Variants in EIF3M observed in about 807,000 individuals in gnomAD.
The protein encoded by EIF3M is eukaryotic translation initiation factor 3 subunit M.
In EIF3M, 25 loss-of-function variants were observed where a neutral mutation model predicts 49.7. The ratio of observed to expected loss-of-function variants is 0.50; its 90% confidence interval spans 0.37 to 0.70. The LOEUF is 0.70. Ranked by LOEUF, EIF3M falls within the 30% of genes least tolerant of loss-of-function variation. EIF3M has a pLI of 0.00. For synonymous variants in EIF3M, 156 were observed against 149.8 expected (o/e 1.04, Z -0.30); for missense variants, 350 against 440.0 (o/e 0.80, Z 1.83).
chr11:32,591,011 G>T (rs902142931), intron 5 of EIF3M, among the ~76,000 whole-genome samples: 1 of 151,990 alleles, frequency 6.6e-6, no homozygotes, highest in Non-Finnish European at 1.5e-5. Flanking sequence ...CGCCACGCCC[G>T]GCTAATTTTT....
chr11:32,596,578 G>T (rs1245551238), intron 8 of EIF3M, among the ~76,000 whole-genome samples: 1 of 144,542 alleles, frequency 6.9e-6, no homozygotes, highest in Non-Finnish European at 1.5e-5. Context: ...TCCAGCCTCG[G>T]CAACAGAGCA....
chr11:32,586,914 A>G (rs1855008965), intron 1 of EIF3M, 98 bp from the exon 2 acceptor site: 2 of 1,425,638 alleles, frequency 1.4e-6, no homozygotes, highest in African/African-American at 2.9e-5. Flanking sequence ...TAGTTGTTGA[A>G]TACAGTATTT....
chr11:32,592,509 C>T lies in EIF3M; in HGVS notation c.534-1357C>T, dbSNP rs183015104. ...GGCTTTACAGAACTCTCTCTAGAAA[C>T]AGCTGTCTTTGGTTCCATTGCACTC... On this transcript the variant is annotated intron_variant, in intron 5 of 10. Transcript: ENST00000531120. 1.9e-5 allele frequency: 10 copies of T among 525,488 alleles called. No individual in the cohort carries two copies. In the East Asian group the frequency reaches 3.8e-4, roughly 20 times the overall value. 32.6% of individuals were successfully genotyped at this position (525,488 alleles called of 1,614,324 possible). A position where few individuals can be genotyped will look rare whatever the true frequency, so the allele number is the denominator to read the frequency against.
Position 32,593,960 on chromosome 11 carries a change from A to G in EIF3M, c.617+11A>G, listed in dbSNP as rs1855141675. On this transcript the variant is annotated intron_variant, in intron 6 of 10. Coordinates refer to ENST00000531120, the MANE Select transcript of EIF3M (RefSeq NM_006360.6). The stretch of plus-strand genomic sequence containing the variant: ...AGTTGATGCCCACAGGTAATGTTAA[A>G]CGTTACTCTGATGAGGGTTTGACAG... 5 of 1,500,786 alleles carry G rather than the reference A, an allele frequency of 3.3e-6. No homozygotes were observed. The highest frequency in any genetic ancestry group is 4.5e-6 in the Non-Finnish European group (5 of 1,122,212). The allele number at this position is 1,500,786 out of a possible 1,614,324, so 93.0% of individuals were successfully genotyped here. A position where few individuals can be genotyped will look rare whatever the true frequency, so the allele number is the denominator to read the frequency against.
At chr11:32,591,754 C>T (rs1043264483) in intron 5 of EIF3M, 3 of 198,340 alleles carry the variant, frequency 1.5e-5, no homozygotes, top group African/African-American at 7.0e-5. Context: ...TGCTTGCACT[C>T]CTGCCAAAAA....
chr11:32,602,044 A>G, intron 10 of EIF3M: 1 of 854,988 alleles, frequency 1.2e-6, no homozygotes, highest in East Asian at 2.7e-5. Flanking sequence ...AGCATTGGCT[A>G]GAATACTAAT....
At chr11:32,584,079 C>T in intron 1 of EIF3M, 150 bp downstream of exon 1, 1 of 1,039,710 alleles carries the variant, frequency 9.6e-7, no homozygotes, top group South Asian at 1.6e-5. Context: ...CTGGGGCGCG[C>T]GTTCCTGGCC....
At chr11:32,590,721 T>A (rs1411462917) in intron 5 of EIF3M, among the ~76,000 whole-genome samples, 1 of 152,236 alleles carries the variant, frequency 6.6e-6, no homozygotes, top group Non-Finnish European at 1.5e-5. Context: ...TTAGAACACA[T>A]AAAATACATA....
Position 32,604,593 on chromosome 11 carries a change from A to G in EIF3M, c.*2194A>G, listed in dbSNP as rs1855321329. ...TATTGGTTTATATGCTATGTTAAAC[A>G]TTTTTAGCATTTCCTCCTGTTCTTA... On this transcript the variant is annotated 3_prime_UTR_variant, in exon 11 of 11. Coordinates refer to ENST00000531120, the MANE Select transcript of EIF3M (RefSeq NM_006360.6). 1 of 152,186 alleles carries G rather than the reference A, an allele frequency of 6.6e-6. No homozygotes were observed. Among genetic ancestry groups the G allele is most frequent in the Admixed American group, 6.5e-5 (1 of 15,278 alleles). The allele number at this position is 152,186 out of a possible 1,614,324, so 9.4% of individuals were successfully genotyped here. A position where few individuals can be genotyped will look rare whatever the true frequency, so the allele number is the denominator to read the frequency against.
Position 32,583,940 on chromosome 11 carries a change from G to C in EIF3M, c.42+11G>C. ...AGTGAAGAAGATCAGGTGTGCTTCG[G>C]TCTACGGGTGCCGCCACGGTGGGGT... On this transcript the variant is annotated intron_variant, in intron 1 of 10. Transcript: ENST00000531120. 1 of 1,612,152 alleles carries C rather than the reference G, an allele frequency of 6.2e-7. No individual in the cohort carries two copies. Among genetic ancestry groups the C allele is most frequent in the Non-Finnish European group, 8.5e-7 (1 of 1,179,816 alleles).
At chr11:32,585,926 C>T (rs1854990881) in intron 1 of EIF3M, among the ~76,000 whole-genome samples, 1 of 152,028 alleles carries the variant, frequency 6.6e-6, no homozygotes. Context: ...TGCACATCCT[C>T]ATTTTATTAT....
Position 32,588,618 on chromosome 11 carries a change from T to A in EIF3M, c.200T>A (p.Val67Glu). Residue 67 changes from valine (V) to glutamate (E), a missense_variant, in exon 3 of 11, where the codon GTG becomes GAG. Physicochemically the swap from Val to Glu is moderately radical, Grantham distance 121. Coordinates refer to ENST00000531120, the MANE Select transcript of EIF3M (RefSeq NM_006360.6). The stretch of plus-strand genomic sequence containing the variant: ...GATGTTGAAAGTGTGATGAACAGTG[T>A]GGTATCCCTACTCTTGATCCTGGAA... The part of the protein sequence containing the change: ...DKDVESVMNS[V>E]VSLLLILEPD... 6.2e-7 allele frequency: 1 copy of A among 1,612,486 alleles called. No individual in the cohort carries two copies. Among genetic ancestry groups the A allele is most frequent in the East Asian group, 2.2e-5 (1 of 44,826 alleles).
chr11:32,584,564 C>T (rs1405832290), intron 1 of EIF3M, among the ~76,000 whole-genome samples: 1 of 138,932 alleles, frequency 7.2e-6, no homozygotes, highest in Non-Finnish European at 1.5e-5. Flanking sequence ...GCCAAGATCG[C>T]GCCACTGCAC....
chr11:32,589,654 A>G lies in EIF3M; in HGVS notation c.533+13A>G, dbSNP rs765928963. On this transcript the variant is annotated intron_variant, in intron 5 of 10. Coordinates refer to ENST00000531120, the MANE Select transcript of EIF3M (RefSeq NM_006360.6). ...ATTGTAAGAAGAGGTATTCAAAAGT[A>G]ATGAACTAACATATCACTTAACAGA... is the stretch of plus-strand genomic sequence containing the variant. 1 of 1,607,804 alleles carries G rather than the reference A, an allele frequency of 6.2e-7. No individual in the cohort carries two copies. The highest frequency in any genetic ancestry group is 8.5e-7 in the Non-Finnish European group (1 of 1,174,760).
At chr11:32,599,419 C>G (rs1855228169) in intron 8 of EIF3M, among the ~76,000 whole-genome samples, 1 of 151,972 alleles carries the variant, frequency 6.6e-6, no homozygotes, top group South Asian at 2.1e-4. Flanking sequence ...AAGCCTGTAT[C>G]ATAATTACAG....
chr11:32,590,482 C>T (rs926263621), intron 5 of EIF3M, among the ~76,000 whole-genome samples: 11 of 152,154 alleles, frequency 7.2e-5, no homozygotes, highest in African/African-American at 2.4e-4. Flanking sequence ...TTTTACAGCA[C>T]CCTCTACTTG....
chr11:32,588,930 A>G, intron 3 of EIF3M, 82 bp from the exon 4 acceptor site: 1 of 1,566,948 alleles, frequency 6.4e-7, no homozygotes, highest in Non-Finnish European at 8.7e-7. Context: ...GGTACCTGCC[A>G]CAGGTTTGTG....
chr11:32,602,532 G>A lies in EIF3M; in HGVS notation c.*133G>A. On this transcript the variant is annotated 3_prime_UTR_variant, in exon 11 of 11. Coordinates refer to ENST00000531120, the MANE Select transcript of EIF3M (RefSeq NM_006360.6). ...TATACTAAAATCACAAACTCCAGAG[G>A]ATATGAAGTAATAAATTACAAGGGG... The A allele has an allele frequency of 9.1e-7, 1 of 1,100,836 alleles. No individual in the cohort carries two copies. The highest frequency in any genetic ancestry group is 1.3e-6 in the Non-Finnish European group (1 of 795,666). The allele number at this position is 1,100,836 out of a possible 1,614,324, so 68.2% of individuals were successfully genotyped here. A position where few individuals can be genotyped will look rare whatever the true frequency, so the allele number is the denominator to read the frequency against.
At position 32,602,577 on chromosome 11, in the gene EIF3M, A is replaced by G. The variant is rs375513541; in HGVS notation, c.*178A>G. 12 of 822,436 alleles carry G rather than the reference A, an allele frequency of 1.5e-5. No homozygotes were observed. In the Admixed American group the frequency reaches 3.2e-4, roughly 22 times the overall value. 50.9% of individuals were successfully genotyped at this position (822,436 alleles called of 1,614,324 possible). A position where few individuals can be genotyped will look rare whatever the true frequency, so the allele number is the denominator to read the frequency against. On this transcript the variant is annotated 3_prime_UTR_variant, in exon 11 of 11. Coordinates refer to ENST00000531120, the MANE Select transcript of EIF3M (RefSeq NM_006360.6). The stretch of plus-strand genomic sequence containing the variant: ...AAGGGGTCACAATGTCTGTCATACA[A>G]TACATAAATTCTGTTCTTTAAAAAA...
Sources: gnomAD v4.1 joint callset for allele counts (sites outside exome capture counted in the v4.1 genomes callset) on GRCh38, gnomAD v4.1.1 for gene constraint, MANE v1.5 for transcripts, NCBI Gene and HGNC (gene_info 2026-07-23, HGNC 2026-07-21) for gene names.